Variants in RDH10 observed in about 807,000 individuals in gnomAD.
RDH10 encodes the protein retinol dehydrogenase 10, also known as retinol dehydrogenase 10 (all-trans).
Under a neutral mutation model 30.2 loss-of-function variants are expected in RDH10, and 12 were observed. That is an observed-to-expected ratio of 0.40 (90% CI 0.25 to 0.64). The LOEUF is 0.64. RDH10 is among the 30% of genes least tolerant of loss of function. RDH10 has a pLI of 0.43. For synonymous variants in RDH10, 189 were observed against 172.2 expected (o/e 1.10, Z -0.76); for missense variants, 268 against 445.2 (o/e 0.60, Z 3.58).
chr8:73,314,532 CG>C (rs1465617035), intron 2 of RDH10, among the ~76,000 whole-genome samples: 1 of 152,172 alleles, frequency 6.6e-6, no homozygotes, highest in Non-Finnish European at 1.5e-5. Flanking sequence ...TGGGCTCCAG[CG>C]GGAACCTGAG....
chr8:73,316,530 A>G (rs1395593017), intron 2 of RDH10, among the ~76,000 whole-genome samples: 1 of 152,214 alleles, frequency 6.6e-6, no homozygotes, highest in Non-Finnish European at 1.5e-5. Context: ...AAGAAATACA[A>G]TCAAGCTGAA....
At chr8:73,302,033 C>T (rs898260924) in intron 2 of RDH10, among the ~76,000 whole-genome samples, 7 of 152,186 alleles carry the variant, frequency 4.6e-5, no homozygotes, top group African/African-American at 1.7e-4. Context: ...TACCAATGAT[C>T]AGTCCTCAAA....
intron 4 of RDH10, 109 bp from the exon 5 acceptor site, chr8:73,322,570 C>A (rs746493877): frequency 7.5e-6 from 7 of 931,168 alleles, no homozygotes; most frequent in East Asian, 2.7e-5. Flanking sequence ...ACAAAATGTA[C>A]CCAAAATCCC....
chr8:73,311,927 A>G (rs1220701752), intron 2 of RDH10: 2 of 152,272 alleles, frequency 1.3e-5, no homozygotes, highest in Non-Finnish European at 2.9e-5. Flanking sequence ...CAACTAGAAT[A>G]TTTAAAGTTG....
intron 3 of RDH10, among the ~76,000 whole-genome samples, chr8:73,319,982 A>G (rs1814737023): frequency 6.6e-6 from 1 of 152,230 alleles, no homozygotes; most frequent in African/African-American, 2.4e-5. Flanking sequence ...AAAAGGACAC[A>G]TTATTTAAAT....
In RDH10 at chr8:73,324,408, C is replaced by T. The variant is rs1450945778; in HGVS notation, c.*1372C>T. Reference sequence around the variant, plus strand: ...ACCTCTGTATCTAAATGTATACCATCCACTTGTAAATGACTATAAACTATT... The same window carrying T: ...ACCTCTGTATCTAAATGTATACCATTCACTTGTAAATGACTATAAACTATT... On this transcript the variant is annotated 3_prime_UTR_variant, in exon 6 of 6. Transcript: ENST00000240285. 6.6e-6 allele frequency: 1 copy of T among 152,414 alleles called. No homozygotes were observed. The highest frequency in any genetic ancestry group is 1.5e-5 in the Non-Finnish European group (1 of 68,018). 9.4% of individuals were successfully genotyped at this position (152,414 alleles called of 1,614,324 possible).
rs1814794902 is a variant in RDH10 at position 73,322,910 on chromosome 8, C to T, written c.903-3C>T. 1 of 1,613,984 alleles carries T rather than the reference C, an allele frequency of 6.2e-7. No individual in the cohort carries two copies. On this transcript the variant is annotated splice_region_variant and splice_polypyrimidine_tract_variant and intron_variant, in intron 5 of 5. Coordinates refer to ENST00000240285, the MANE Select transcript of RDH10 (RefSeq NM_172037.5). ...GCTAACAGCTGTGACTTCCCTTTTT[C>T]AGCATCCTACCATTTGAAGCAGTTG...
At chr8:73,316,721 TCTA>T (rs1480565582) in intron 2 of RDH10, among the ~76,000 whole-genome samples, 23 of 152,310 alleles carry the variant, frequency 1.5e-4, no homozygotes, top group African/African-American at 5.1e-4. Flanking sequence ...CATAGAGGCT[TCTA>T]CTCCATTTCT....
intron 2 of RDH10, among the ~76,000 whole-genome samples, chr8:73,308,457 A>G (rs1413618777): frequency 3.3e-5 from 5 of 152,206 alleles, no homozygotes; most frequent in African/African-American, 1.2e-4. Context: ...ACCATAGTAT[A>G]AAAGCCTCTA....
intron 3 of RDH10, among the ~76,000 whole-genome samples, chr8:73,320,657 A>G (rs1814755252): frequency 6.6e-6 from 1 of 151,712 alleles, no homozygotes; most frequent in South Asian, 2.1e-4. Context: ...TTTTTAGTAG[A>G]GGCGGGGTTT....
At chr8:73,317,750 T>G (rs1814698091) in intron 2 of RDH10, among the ~76,000 whole-genome samples, 1 of 151,702 alleles carries the variant, frequency 6.6e-6, no homozygotes, top group Non-Finnish European at 1.5e-5. Context: ...ATGAGACCCC[T>G]TCTCTACAAA....
chr8:73,295,358 G>A lies in RDH10; in HGVS notation c.69G>A (p.Ala23=). ...TCTGGGCGTTCGTGCTGGCCGCGGC[G>A]CGCTGGCTGGTGCGGCCCAAGGAGA... ...KVLWAFVLAA[A]RWLVRPKEKS... Residue 23 remains alanine (A), a synonymous_variant, in exon 1 of 6, where the codon GCG becomes GCA. Transcript: ENST00000240285. The A allele has an allele frequency of 6.4e-7, 1 of 1,560,048 alleles. No homozygotes were observed. The highest frequency in any genetic ancestry group is 8.7e-7 in the Non-Finnish European group (1 of 1,153,786).
intron 3 of RDH10, among the ~76,000 whole-genome samples, chr8:73,319,844 G>A (rs1429122963): frequency 2.0e-5 from 3 of 152,178 alleles, no homozygotes; most frequent in African/African-American, 7.2e-5. Context: ...TAGAATTGTA[G>A]AACTGGATTT....
At chr8:73,318,301 G>A (rs910835468) in intron 2 of RDH10, among the ~76,000 whole-genome samples, 3 of 151,956 alleles carry the variant, frequency 2.0e-5, no homozygotes, top group Non-Finnish European at 2.9e-5. Flanking sequence ...AGAAATCGGC[G>A]CCACCTCTGA....
intron 2 of RDH10, among the ~76,000 whole-genome samples, chr8:73,298,524 A>C (rs1814318648): frequency 1.3e-5 from 2 of 151,830 alleles, no homozygotes; most frequent in East Asian, 3.9e-4. Context: ...AACTTTATTT[A>C]TTTATTTATT....
chr8:73,320,824 C>A (rs1814758824), intron 3 of RDH10, 108 bp from the exon 4 acceptor site: 1 of 1,068,798 alleles, frequency 9.4e-7, no homozygotes, highest in African/African-American at 1.6e-5. Flanking sequence ...CACCTGTAAC[C>A]TTATGTATTA....
chr8:73,295,161 G>T lies in RDH10; in HGVS notation c.-129G>T, dbSNP rs989696373. On this transcript the variant is annotated 5_prime_UTR_variant, in exon 1 of 6. Coordinates refer to ENST00000240285, the MANE Select transcript of RDH10 (RefSeq NM_172037.5). ...CTCCAACCCGGCGGGCACCTCGGGG[G>T]CGGGCGCGGGGCGCAGCCTTCTCGT... is the stretch of plus-strand genomic sequence containing the variant. The T allele has an allele frequency of 1.1e-6, 1 of 895,914 alleles. No homozygotes were observed. Among genetic ancestry groups the T allele is most frequent in the South Asian group, 2.2e-5 (1 of 46,308 alleles). 55.5% of individuals were successfully genotyped at this position (895,914 alleles called of 1,614,324 possible). A position where few individuals can be genotyped will look rare whatever the true frequency, so the allele number is the denominator to read the frequency against.
At position 73,297,372 on chromosome 8, in the gene RDH10, A is replaced by G. The variant is rs745905751; in HGVS notation, c.468A>G (p.Glu156=). 3 of 1,614,160 alleles carry G rather than the reference A, an allele frequency of 1.9e-6. No individual in the cohort carries two copies. Among genetic ancestry groups the G allele is most frequent in the Non-Finnish European group, 2.5e-6 (3 of 1,179,986 alleles). ...AGVVSGHHLL[E]CPDELIERTM... ...TGGTCTCTGGGCATCACCTTCTGGA[A>G]TGTCCTGATGAGCTCATTGAGAGAA... Residue 156 remains glutamate (E), a synonymous_variant, in exon 2 of 6, where the codon GAA becomes GAG. Coordinates refer to ENST00000240285, the MANE Select transcript of RDH10 (RefSeq NM_172037.5).
At chr8:73,317,382 GGATA>G (rs926921159) in intron 2 of RDH10, among the ~76,000 whole-genome samples, 3 of 152,132 alleles carry the variant, frequency 2.0e-5, no homozygotes, top group Non-Finnish European at 2.9e-5. Context: ...GAAGGGTCTG[GGATA>G]GATTATCAGA....
Sources: gnomAD v4.1 joint callset for allele counts (sites outside exome capture counted in the v4.1 genomes callset) on GRCh38, gnomAD v4.1.1 for gene constraint, MANE v1.5 for transcripts, NCBI Gene and HGNC (gene_info 2026-07-23, HGNC 2026-07-21) for gene names.